The following GRXCR1 variants were observed in gnomAD, a reference collection of about 807,000 sequenced individuals.
The protein encoded by GRXCR1 is glutaredoxin domain-containing cysteine-rich protein 1.
Under a neutral mutation model 27.3 loss-of-function variants are expected in GRXCR1, and 27 were observed. The ratio of observed to expected loss-of-function variants is 0.99; its 90% CI spans 0.73 to 1.37. The LOEUF (loss-of-function observed/expected upper bound fraction) is 1.37, where lower values mean the gene tolerates loss of function less well. Ranked by LOEUF, GRXCR1 falls within the 40% of genes most tolerant of loss-of-function variation. The pLI, the probability that GRXCR1 is intolerant of heterozygous loss-of-function variation, is 0.00. For missense variants in GRXCR1, 379 were observed against 354.4 expected, an observed-to-expected ratio of 1.07 and a Z score of -0.56; for synonymous variants, 122 against 131.1, an observed-to-expected ratio of 0.93 and a Z score of 0.47.
At chr4:42,975,241 G>T (rs1188536149) in intron 2 of GRXCR1, among the ~76,000 whole-genome samples, 1 of 152,150 alleles carries the variant, frequency 6.6e-6, no homozygotes, top group Non-Finnish European at 1.5e-5. Context: ...GTCTACGATA[G>T]TCCCTGGGCC....
At chr4:42,895,624 C>T (rs1259099312) in intron 1 of GRXCR1, among the ~76,000 whole-genome samples, 1 of 152,044 alleles carries the variant, frequency 6.6e-6, no homozygotes, top group Non-Finnish European at 1.5e-5. Flanking sequence ...AGCTCCATTC[C>T]CCATTGTCTG....
chr4:42,958,843 A>G (rs906562207), intron 1 of GRXCR1, among the ~76,000 whole-genome samples: 2 of 151,974 alleles, frequency 1.3e-5, no homozygotes, highest in African/African-American at 4.8e-5. Flanking sequence ...TGGAAACCAC[A>G]ATGGGAAGTG....
At position 42,893,184 on chromosome 4, in the gene GRXCR1, T is replaced by G; in HGVS notation, c.-83T>G. On this transcript the variant is annotated 5_prime_UTR_variant, in exon 1 of 4. Transcript: ENST00000399770. ...GTGCTGCCATCACTAGAATTGGCTC[T>G]GATATTGCTATCTGGCAAGTGGACT... 6.6e-7 allele frequency: 1 copy of G among 1,508,136 alleles called. No homozygotes were observed. The highest frequency in any genetic ancestry group is 9.2e-7 in the Non-Finnish European group (1 of 1,085,814). 93.4% of individuals were successfully genotyped at this position (1,508,136 alleles called of 1,614,324 possible).
rs945956799 is a variant in GRXCR1, at chr4:42,978,788, C to T, written c.627+15654C>T. ...TTAGGCTTTGTGTCCCTATCCAAAT[C>T]TCATCTTGAATTGTAAGCCTCATAA... On this transcript the variant is annotated intron_variant, in intron 2 of 3. Transcript: ENST00000399770. Among the ~76,000 whole-genome samples the T allele has an allele frequency of 2.6e-5, 4 of 152,110 alleles. No individual in the cohort carries two copies. The South Asian group carries it at 6.2e-4, about 24-fold the overall frequency.
intron 2 of GRXCR1, among the ~76,000 whole-genome samples, chr4:42,964,943 G>A (rs1240547763): frequency 6.6e-6 from 1 of 152,012 alleles, no homozygotes; most frequent in Non-Finnish European, 1.5e-5. Flanking sequence ...TTGGGAAAAT[G>A]TCTGACAATG....
chr4:42,914,746 C>G (rs1338486679), intron 1 of GRXCR1, among the ~76,000 whole-genome samples: 1 of 152,070 alleles, frequency 6.6e-6, no homozygotes, highest in Non-Finnish European at 1.5e-5. Context: ...TGTAATAATC[C>G]CCATGTGTTG....
intron 2 of GRXCR1, among the ~76,000 whole-genome samples, chr4:43,010,890 C>G (rs1238791643): frequency 6.6e-6 from 1 of 152,102 alleles, no homozygotes; most frequent in Non-Finnish European, 1.5e-5. Flanking sequence ...CATATATTAT[C>G]TCATTTATTT....
At chr4:42,931,273 C>T (rs1747299375) in intron 1 of GRXCR1, among the ~76,000 whole-genome samples, 1 of 151,944 alleles carries the variant, frequency 6.6e-6, no homozygotes, top group Non-Finnish European at 1.5e-5. Context: ...GTATAATAAT[C>T]AAAGTTTTGA....
At chr4:42,932,615 T>G (rs868149053) in intron 1 of GRXCR1, among the ~76,000 whole-genome samples, 1,081 of 33,730 alleles carry the variant, frequency 0.032, 19 homozygotes, top group African/African-American at 0.067. Flanking sequence ...TATATATATA[T>G]ATATAGAGAG....
intron 1 of GRXCR1, among the ~76,000 whole-genome samples, chr4:42,920,345 T>A (rs934814820): frequency 2.0e-5 from 3 of 147,732 alleles, no homozygotes; most frequent in Non-Finnish European, 3.0e-5. Flanking sequence ...AGCCTTTTAT[T>A]TACAACTTAT....
chr4:42,978,961 C>G (rs1318267280), intron 2 of GRXCR1, among the ~76,000 whole-genome samples: 1 of 152,004 alleles, frequency 6.6e-6, no homozygotes, highest in Admixed American at 6.6e-5. Context: ...TCACTTGGGA[C>G]TTTTCTTTCC....
intron 2 of GRXCR1, among the ~76,000 whole-genome samples, chr4:43,005,923 T>A (rs553021217): frequency 1.3e-5 from 2 of 152,342 alleles, no homozygotes; most frequent in South Asian, 4.1e-4. Flanking sequence ...TCATGGATAT[T>A]GCGGGAAGTC....
intron 1 of GRXCR1, among the ~76,000 whole-genome samples, chr4:42,924,712 G>C (rs553314828): frequency 6.6e-6 from 1 of 152,140 alleles, no homozygotes; most frequent in South Asian, 2.1e-4. Context: ...TTCCTAATTA[G>C]AGGCAAATAC....
intron 1 of GRXCR1, among the ~76,000 whole-genome samples, chr4:42,919,849 T>G (rs539693598): frequency 2.0e-5 from 3 of 152,308 alleles, no homozygotes; most frequent in African/African-American, 7.2e-5. Context: ...TCATCATTTA[T>G]ATTATTGATT....
At chr4:42,932,343 T>C (rs1024255988) in intron 1 of GRXCR1, among the ~76,000 whole-genome samples, 1 of 151,560 alleles carries the variant, frequency 6.6e-6, no homozygotes, top group Non-Finnish European at 1.5e-5. Flanking sequence ...CCCACAGCAG[T>C]ATTCTTACAC....
intron 2 of GRXCR1, among the ~76,000 whole-genome samples, chr4:42,974,020 T>C (rs1748448501): frequency 6.6e-6 from 1 of 152,178 alleles, no homozygotes; most frequent in Non-Finnish European, 1.5e-5. Flanking sequence ...ACAGTTGTTA[T>C]AGAACCAACG....
chr4:42,981,961 T>C (rs1182531189), intron 2 of GRXCR1, among the ~76,000 whole-genome samples: 1 of 152,190 alleles, frequency 6.6e-6, no homozygotes, highest in Non-Finnish European at 1.5e-5. Context: ...GACCTCCCTG[T>C]GTCTAGATAT....
chr4:43,015,222 T>A (rs1340583149), intron 2 of GRXCR1, among the ~76,000 whole-genome samples: 1 of 152,148 alleles, frequency 6.6e-6, no homozygotes, highest in Non-Finnish European at 1.5e-5. Flanking sequence ...AATCAAATAG[T>A]GAAGACACTT....
At chr4:43,020,323 G>A (rs948357447) in intron 2 of GRXCR1, 31 bp from the exon 3 acceptor site, 2 of 1,441,216 alleles carry the variant, frequency 1.4e-6, no homozygotes, top group African/African-American at 2.8e-5. Context: ...AACAAAAATG[G>A]ATTTTTCTCC....
Sources: gnomAD v4.1 joint callset for allele counts (sites outside exome capture counted in the v4.1 genomes callset) on GRCh38, gnomAD v4.1.1 for gene constraint, MANE v1.5 for transcripts, NCBI Gene and HGNC (gene_info 2026-07-23, HGNC 2026-07-21) for gene names.